Variants in CCSER1 observed in about 807,000 individuals in gnomAD.
CCSER1 encodes serine-rich coiled-coil domain-containing protein 1.
In CCSER1, 41 loss-of-function variants were observed where a neutral mutation model predicts 82.0. That is an observed-to-expected ratio of 0.50 (90% CI 0.39 to 0.65). CCSER1 has a LOEUF of 0.65. Among genes scored for constraint, CCSER1 ranks in the 30% least tolerant of loss-of-function variants. CCSER1 has a pLI of 0.00. For missense variants in CCSER1, 1,119 were observed against 1,064.2 expected, an observed-to-expected ratio of 1.05 and a Z score of -0.72; for synonymous variants, 414 against 383.9, an observed-to-expected ratio of 1.08 and a Z score of -0.92.
At chr4:90,413,725 G>T (rs1368866077) in intron 4 of CCSER1, among the ~76,000 whole-genome samples, 1 of 151,126 alleles carries the variant, frequency 6.6e-6, no homozygotes, top group Admixed American at 6.6e-5. Flanking sequence ...GGAGGCCAAG[G>T]CGGGCAGATC....
At chr4:90,902,599 G>A (rs1417766685) in intron 8 of CCSER1, among the ~76,000 whole-genome samples, 1 of 151,984 alleles carries the variant, frequency 6.6e-6, no homozygotes, top group Non-Finnish European at 1.5e-5. Context: ...CTAGCTTCTG[G>A]CTTTTTCAGA....
intron 9 of CCSER1, among the ~76,000 whole-genome samples, chr4:91,084,395 T>G (rs1723146708): frequency 6.6e-6 from 1 of 152,104 alleles, no homozygotes; most frequent in Non-Finnish European, 1.5e-5. Flanking sequence ...AGCAAATACA[T>G]TTGGTAGCTA....
At chr4:90,304,637 G>T (rs1733870353) in intron 1 of CCSER1, among the ~76,000 whole-genome samples, 1 of 151,978 alleles carries the variant, frequency 6.6e-6, no homozygotes, top group Non-Finnish European at 1.5e-5. Context: ...ATCACACTCT[G>T]GGGACTGTTG....
intron 1 of CCSER1, among the ~76,000 whole-genome samples, chr4:90,140,909 C>A (rs1000471109): frequency 6.6e-6 from 1 of 151,870 alleles, no homozygotes; most frequent in Non-Finnish European, 1.5e-5. Flanking sequence ...TCGTGATCTG[C>A]CCGCCTCAGC....
intron 7 of CCSER1, among the ~76,000 whole-genome samples, chr4:90,815,074 TCA>T (rs1462936853): frequency 3.9e-5 from 6 of 152,310 alleles, no homozygotes; most frequent in African/African-American, 1.4e-4. Context: ...TTTAATTGAT[TCA>T]CAGTTTCTCA....
At chr4:90,942,881 A>G (rs2150332576) in intron 9 of CCSER1, among the ~76,000 whole-genome samples, 1 of 147,868 alleles carries the variant, frequency 6.8e-6, no homozygotes, top group African/African-American at 2.4e-5. Flanking sequence ...TTAAATATGT[A>G]TGATATATAG....
intron 10 of CCSER1, among the ~76,000 whole-genome samples, chr4:91,390,693 G>T (rs529308307): frequency 6.6e-6 from 1 of 152,152 alleles, no homozygotes; most frequent in Non-Finnish European, 1.5e-5. Flanking sequence ...GAATTCACCA[G>T]TGAACCCATC....
intron 10 of CCSER1, among the ~76,000 whole-genome samples, chr4:91,483,822 A>G (rs1758078110): frequency 6.6e-6 from 1 of 152,138 alleles, no homozygotes; most frequent in African/African-American, 2.4e-5. Flanking sequence ...CATGCGTTCT[A>G]ACAATGCGAA....
chr4:90,263,091 T>C (rs1056771410), intron 1 of CCSER1, among the ~76,000 whole-genome samples: 2 of 152,156 alleles, frequency 1.3e-5, no homozygotes, highest in Non-Finnish European at 2.9e-5. Flanking sequence ...CTTTCTCCAC[T>C]GAGCCCAGTG....
At position 91,100,467 on chromosome 4, in the gene CCSER1, T is replaced by C. The variant is rs1284435979; in HGVS notation, c.2217+14473T>C. ...GTCATGCTATTCAGAGATTTTACTG[T>C]CTGCGTTGACTAGTCCACACCATGA... On this transcript the variant is annotated intron_variant, in intron 10 of 10. Coordinates refer to ENST00000509176, the MANE Select transcript of CCSER1 (RefSeq NM_001145065.2). Among the ~76,000 whole-genome samples, 5 of 152,286 alleles carry C rather than the reference T, an allele frequency of 3.3e-5. No homozygotes were observed. The South Asian group carries it at 1.0e-3, about 32-fold the overall frequency.
At chr4:91,242,834 T>C (rs1739474074) in intron 10 of CCSER1, among the ~76,000 whole-genome samples, 2 of 151,832 alleles carry the variant, frequency 1.3e-5, no homozygotes, top group Admixed American at 1.3e-4. Context: ...GATCTAAAGG[T>C]TGGGGGTCAA....
intron 10 of CCSER1, among the ~76,000 whole-genome samples, chr4:91,301,788 T>C (rs987965960): frequency 6.6e-6 from 1 of 151,716 alleles, no homozygotes; most frequent in Admixed American, 6.6e-5. Context: ...CAAAAAGAAA[T>C]AGAAAGTAAA....
In CCSER1 at chr4:91,186,034, C is replaced by A. The variant is rs370419860; in HGVS notation, c.2217+100040C>A. Among the ~76,000 whole-genome samples, 500 of 152,288 alleles carry A rather than the reference C, an allele frequency of 3.3e-3. 1 individual carries two copies. The highest frequency in any genetic ancestry group is 0.011 in the African/African-American group (473 of 41,560). ...TGTATTCTAACATGGAACTGCCAAGCCTCTAAATCACCCTCTCGTCTAGCT... is the reference window on the plus strand; with the variant it reads ...TGTATTCTAACATGGAACTGCCAAGACTCTAAATCACCCTCTCGTCTAGCT... On this transcript the variant is annotated intron_variant, in intron 10 of 10. Transcript: ENST00000509176.
At chr4:90,743,379 A>G (rs1042821734) in intron 7 of CCSER1, among the ~76,000 whole-genome samples, 1 of 152,154 alleles carries the variant, frequency 6.6e-6, no homozygotes, top group African/African-American at 2.4e-5. Flanking sequence ...ATTCTCAGCT[A>G]AGGAAATTAT....
intron 9 of CCSER1, among the ~76,000 whole-genome samples, chr4:90,991,417 CCTT>C (rs1387031124): frequency 6.6e-6 from 1 of 151,882 alleles, no homozygotes; most frequent in Non-Finnish European, 1.5e-5. Context: ...AAAGAGAAAT[CCTT>C]CTTTGTGTTT....
chr4:90,602,259 T>A lies in CCSER1; in HGVS notation c.1725-25766T>A, dbSNP rs372624702. ...TTGAACTAACAACCCCCTTTTTCAA[T>A]ATGGAATAAATTTCTTTATACCTGG... On this transcript the variant is annotated intron_variant, in intron 5 of 10. Coordinates refer to ENST00000509176, the MANE Select transcript of CCSER1 (RefSeq NM_001145065.2). Among the ~76,000 whole-genome samples, 5 of 152,298 alleles carry A rather than the reference T, an allele frequency of 3.3e-5. No individual in the cohort carries two copies. The East Asian group carries it at 5.8e-4, about 18-fold the overall frequency.
At chr4:91,528,555 G>C (rs1922223) in intron 10 of CCSER1, among the ~76,000 whole-genome samples, 1 of 151,934 alleles carries the variant, frequency 6.6e-6, no homozygotes, top group Admixed American at 6.6e-5. Flanking sequence ...AGGTGGTTCT[G>C]TTGATGACAG....
intron 1 of CCSER1, among the ~76,000 whole-genome samples, chr4:90,298,236 C>T (rs1346712026): frequency 2.6e-5 from 4 of 151,934 alleles, no homozygotes; most frequent in South Asian, 2.1e-4. Flanking sequence ...GTGTATGTGT[C>T]GAGGAATTTA....
chr4:91,173,150 G>C (rs1944057367), intron 10 of CCSER1, among the ~76,000 whole-genome samples: 1 of 152,166 alleles, frequency 6.6e-6, no homozygotes. Context: ...TAAGAGCTAT[G>C]CTAAGTAATT....
Sources: gnomAD v4.1 joint callset for allele counts (sites outside exome capture counted in the v4.1 genomes callset) on GRCh38, gnomAD v4.1.1 for gene constraint, MANE v1.5 for transcripts, NCBI Gene and HGNC (gene_info 2026-07-23, HGNC 2026-07-21) for gene names.